The following BAZ1B variants were observed in gnomAD, a reference collection of about 807,000 sequenced individuals.
The protein encoded by BAZ1B is tyrosine-protein kinase BAZ1B.
A neutral mutation model predicts 153.8 loss-of-function variants in BAZ1B; 22 were observed. The ratio of observed to expected loss-of-function variants is 0.14; its 90% confidence interval spans 0.10 to 0.20. The LOEUF is 0.20. BAZ1B is among the 10% of genes least tolerant of loss of function. The probability of loss-of-function intolerance (pLI) is 1.00; values close to 1 mark genes in which losing one functional copy is unlikely to be tolerated. For missense variants in BAZ1B, 1,325 were observed against 1,799.3 expected (o/e 0.74, Z 4.77); for synonymous variants, 676 against 633.4 (o/e 1.07, Z -1.01).
chr7:73,460,192 GAAAAAAAAAAAAAA>G (rs782211272), intron 12 of BAZ1B, among the ~76,000 whole-genome samples: 1 of 73,872 alleles, frequency 1.4e-5, no homozygotes, highest in African/African-American at 4.9e-5. Flanking sequence ...CCGTCTCAGG[GAAAAAAAAAAAAAA>G]AAAAAAAAAA....
chr7:73,458,793 C>T (rs1438226975), intron 13 of BAZ1B, among the ~76,000 whole-genome samples: 2 of 151,884 alleles, frequency 1.3e-5, no homozygotes, highest in African/African-American at 4.8e-5. Flanking sequence ...CTTTGAGAGG[C>T]CAAGGTGGGA....
At chr7:73,516,134 G>C (rs545639245) in intron 1 of BAZ1B, among the ~76,000 whole-genome samples, 1 of 152,138 alleles carries the variant, frequency 6.6e-6, no homozygotes, top group Non-Finnish European at 1.5e-5. Context: ...GCTACAGAGC[G>C]AGACTCCACT....
intron 6 of BAZ1B, among the ~76,000 whole-genome samples, chr7:73,481,303 G>A (rs963213874): frequency 4.6e-5 from 7 of 151,580 alleles, no homozygotes; most frequent in South Asian, 2.1e-4. Flanking sequence ...CGAGGCAGGC[G>A]GATCATGAGG....
intron 4 of BAZ1B, among the ~76,000 whole-genome samples, chr7:73,495,175 G>A (rs1472244305): frequency 1.3e-5 from 2 of 152,094 alleles, no homozygotes; most frequent in African/African-American, 4.8e-5. Context: ...CCCAGTTACT[G>A]GGGAGGCTGA....
At chr7:73,490,783 T>C (rs1428706920) in intron 5 of BAZ1B, among the ~76,000 whole-genome samples, 1 of 151,658 alleles carries the variant, frequency 6.6e-6, no homozygotes, top group African/African-American at 2.4e-5. Flanking sequence ...TTTTGTATTT[T>C]TAGTAGAGAT....
intron 15 of BAZ1B, among the ~76,000 whole-genome samples, chr7:73,449,331 G>C (rs896020659): frequency 6.6e-6 from 1 of 152,138 alleles, no homozygotes; most frequent in African/African-American, 2.4e-5. Flanking sequence ...AGAGAATGTG[G>C]CTGGCAGTGA....
At chr7:73,509,377 G>A (rs1171869899) in intron 2 of BAZ1B, among the ~76,000 whole-genome samples, 1 of 151,956 alleles carries the variant, frequency 6.6e-6, no homozygotes, top group Non-Finnish European at 1.5e-5. Context: ...TAGGTTCACA[G>A]CAAAACAACA....
intron 13 of BAZ1B, 123 bp from the exon 14 acceptor site, chr7:73,451,117 T>C: frequency 8.1e-7 from 1 of 1,237,562 alleles, no homozygotes; most frequent in Non-Finnish European, 1.1e-6. Context: ...TTCACTAATC[T>C]AAACCATTTA....
intron 11 of BAZ1B, among the ~76,000 whole-genome samples, chr7:73,464,585 C>T (rs1788510617): frequency 6.6e-6 from 1 of 152,186 alleles, no homozygotes; most frequent in African/African-American, 2.4e-5. Flanking sequence ...TGGAATCATA[C>T]ACCACATGGC....
chr7:73,469,159 A>G (rs374192715), intron 9 of BAZ1B, among the ~76,000 whole-genome samples: 33 of 151,880 alleles, frequency 2.2e-4, no homozygotes, highest in South Asian at 8.3e-4. Context: ...AAGAAGAAGA[A>G]GAGGACATCT....
intron 7 of BAZ1B, among the ~76,000 whole-genome samples, chr7:73,474,648 G>A (rs1009788494): frequency 1.3e-5 from 2 of 152,146 alleles, no homozygotes; most frequent in East Asian, 1.9e-4. Flanking sequence ...GGTGGCACAC[G>A]CCTGTAATCC....
At chr7:73,511,245 G>A (rs1790565291) in intron 1 of BAZ1B, among the ~76,000 whole-genome samples, 1 of 151,942 alleles carries the variant, frequency 6.6e-6, no homozygotes, top group African/African-American at 2.4e-5. Context: ...TCAAGCCTGG[G>A]AGACAGTGCG....
chr7:73,509,744 C>T (rs781882246), intron 2 of BAZ1B, among the ~76,000 whole-genome samples: 39 of 151,562 alleles, frequency 2.6e-4, no homozygotes, highest in Non-Finnish European at 4.4e-4. Context: ...ATGTTGGAAA[C>T]GTGACTTGAA....
intron 3 of BAZ1B, among the ~76,000 whole-genome samples, chr7:73,501,911 G>A (rs62465155): frequency 0.055 from 7,100 of 128,066 alleles, 200 homozygotes; most frequent in Non-Finnish European, 0.069. Context: ...TTTTTTTTGA[G>A]ACGGAATCTC....
intron 6 of BAZ1B, among the ~76,000 whole-genome samples, chr7:73,483,560 TTTC>T (rs1789281012): frequency 6.6e-6 from 1 of 152,220 alleles, no homozygotes; most frequent in African/African-American, 2.4e-5. Context: ...TTTCATTTTT[TTTC>T]TTCTAGCAAC....
rs1441524155 is a variant in BAZ1B at position 73,488,051 on chromosome 7, CTTTATAT to C, written c.891+1136_891+1142del. ...ATTTAGTTGTTATGACTTCAGATGT[CTTTATAT>C]TTTCATAATTAAATGAAATGGGAAA... On this transcript the variant is annotated intron_variant, in intron 6 of 19. Transcript: ENST00000339594. 3.3e-5 allele frequency among the ~76,000 whole-genome samples: 5 copies of C among 152,166 alleles called. No homozygotes were observed. In the South Asian group the frequency reaches 8.3e-4, roughly 25 times the overall value.
Position 73,440,937 on chromosome 7 carries a change from A to T in BAZ1B, c.*772T>A, listed in dbSNP as rs531813382. ...GAAGACTACAAAGTTTTGCCTAAAT[A>T]TAACAACTAGAGCTAGATTTGTTGT... On this transcript the variant is annotated 3_prime_UTR_variant, in exon 20 of 20. Coordinates refer to ENST00000339594, the MANE Select transcript of BAZ1B (RefSeq NM_032408.4). The T allele has an allele frequency of 2.0e-5, 3 of 152,792 alleles. No homozygotes were observed. The highest frequency in any genetic ancestry group is 7.2e-5 in the African/African-American group (3 of 41,590). 9.5% of individuals were successfully genotyped at this position (152,792 alleles called of 1,614,324 possible).
chr7:73,483,294 G>A (rs1169355696), intron 6 of BAZ1B, among the ~76,000 whole-genome samples: 1 of 152,090 alleles, frequency 6.6e-6, no homozygotes, highest in East Asian at 1.9e-4. Context: ...ACTTGTAGCA[G>A]CTCATTCAGA....
rs1470433307 is a variant in BAZ1B, at chr7:73,522,231, G to A, written c.-298C>T. 46 of 384,336 alleles carry A rather than the reference G, an allele frequency of 1.2e-4. No homozygotes were observed. In the East Asian group the frequency reaches 1.6e-3, roughly 13 times the overall value. The allele number at this position is 384,336 out of a possible 1,614,324, so 23.8% of individuals were successfully genotyped here. On this transcript the variant is annotated 5_prime_UTR_variant, in exon 1 of 20. Coordinates refer to ENST00000339594, the MANE Select transcript of BAZ1B (RefSeq NM_032408.4). Reference sequence around the variant, plus strand: ...ACGACTCCTCCTCAGCAGCACCGGAGGAAATTATTGAAAAATGGCGGGAGA... The same window carrying A: ...ACGACTCCTCCTCAGCAGCACCGGAAGAAATTATTGAAAAATGGCGGGAGA...
Sources: allele counts gnomAD v4.1 joint callset (sites outside exome capture counted in the v4.1 genomes callset), GRCh38; gene constraint gnomAD v4.1.1; transcripts MANE v1.5; gene names NCBI Gene and HGNC (gene_info 2026-07-23, HGNC 2026-07-21).